Variants in ATXN7L1 observed in about 807,000 individuals in gnomAD.
The protein encoded by ATXN7L1 is ataxin 7 like 1.
ATXN7L1 carries 15 observed loss-of-function variants against 70.8 expected under a neutral mutation model. That is an observed-to-expected ratio of 0.21 (90% confidence interval 0.14 to 0.33). The LOEUF is 0.33. Among genes scored for constraint, ATXN7L1 ranks in the 10% least tolerant of loss-of-function variants. The probability of loss-of-function intolerance (pLI) is 1.00; values close to 1 mark genes in which losing one functional copy is unlikely to be tolerated. For synonymous variants in ATXN7L1, 440 were observed against 445.1 expected, an observed-to-expected ratio of 0.99 and a Z score of 0.14; for missense variants, 975 against 1,097.1, an observed-to-expected ratio of 0.89 and a Z score of 1.57.
At chr7:105,769,383 T>G (rs927446500) in intron 3 of ATXN7L1, among the ~76,000 whole-genome samples, 1 of 152,044 alleles carries the variant, frequency 6.6e-6, no homozygotes, top group Non-Finnish European at 1.5e-5. Context: ...GGCACACTAT[T>G]TTGTGTGTTT....
chr7:105,616,866 C>G (rs920501375), intron 9 of ATXN7L1, among the ~76,000 whole-genome samples: 11 of 152,144 alleles, frequency 7.2e-5, no homozygotes, highest in African/African-American at 2.7e-4. Context: ...TATAGGCAAC[C>G]CACTCCATCT....
intron 2 of ATXN7L1, among the ~76,000 whole-genome samples, chr7:105,804,560 C>T (rs1257789779): frequency 6.6e-6 from 1 of 152,178 alleles, no homozygotes; most frequent in African/African-American, 2.4e-5. Context: ...GTTCTACAAA[C>T]ACTTATTCTA....
chr7:105,857,317 T>C (rs1401527449), intron 2 of ATXN7L1, among the ~76,000 whole-genome samples: 3 of 152,214 alleles, frequency 2.0e-5, no homozygotes, highest in African/African-American at 7.2e-5. Flanking sequence ...GACCATAGAC[T>C]GAGATATCTT....
intron 3 of ATXN7L1, among the ~76,000 whole-genome samples, chr7:105,726,448 CAG>C (rs1795829578): frequency 6.6e-6 from 1 of 152,120 alleles, no homozygotes; most frequent in Non-Finnish European, 1.5e-5. Flanking sequence ...CAAGGCTGAG[CAG>C]AGAGTCTGAG....
At chr7:105,849,078 TAAA>T (rs1245087048) in intron 2 of ATXN7L1, among the ~76,000 whole-genome samples, 1 of 152,194 alleles carries the variant, frequency 6.6e-6, no homozygotes, top group Non-Finnish European at 1.5e-5. Flanking sequence ...AGTCTGAAAA[TAAA>T]ACTGCTCCAC....
rs10639727 is a variant in ATXN7L1, at chr7:105,778,344, C to CAAA, written c.355+10257_355+10259dup. Among the ~76,000 whole-genome samples, 96 of 104,692 alleles carry CAAA rather than the reference C, an allele frequency of 9.2e-4. 1 individual carries two copies. In the South Asian group the frequency reaches 0.012, roughly 13 times the overall value. The allele number at this position is 104,692 out of a possible 152,430, so 68.7% of individuals were successfully genotyped here. A position where few individuals can be genotyped will look rare whatever the true frequency, so the allele number is the denominator to read the frequency against. On this transcript the variant is annotated intron_variant, in intron 3 of 11. Coordinates refer to ENST00000419735, the MANE Select transcript of ATXN7L1 (RefSeq NM_020725.2). ...CAACATGGCGAAACCCGCATCTCTA[C>CAAA]AAAAAAAAAAAAAAAAATTAGCCAG... is the stretch of plus-strand genomic sequence containing the variant.
intron 3 of ATXN7L1, among the ~76,000 whole-genome samples, chr7:105,768,229 C>T (rs890206301): frequency 1.3e-5 from 2 of 152,216 alleles, no homozygotes; most frequent in Non-Finnish European, 1.5e-5. Context: ...CATGCCAAGG[C>T]ATTTTCAAAT....
chr7:105,618,182 G>A (rs1794204371), intron 9 of ATXN7L1: 1 of 393,086 alleles, frequency 2.5e-6, no homozygotes, highest in Non-Finnish European at 5.1e-6. Context: ...CACGTGTCCG[G>A]GATTGACACT....
chr7:105,704,998 T>C (rs981370108), intron 3 of ATXN7L1, among the ~76,000 whole-genome samples: 1 of 151,946 alleles, frequency 6.6e-6, no homozygotes, highest in Non-Finnish European at 1.5e-5. Flanking sequence ...CTCAGTTTTG[T>C]AGAGATTATT....
At chr7:105,715,368 C>A (rs1388780606) in intron 3 of ATXN7L1, among the ~76,000 whole-genome samples, 1 of 152,254 alleles carries the variant, frequency 6.6e-6, no homozygotes, top group Non-Finnish European at 1.5e-5. Flanking sequence ...TGCTCCATAT[C>A]TAGCACCCAG....
chr7:105,876,549 C>T lies in ATXN7L1; in HGVS notation c.10G>A (p.Glu4Lys), dbSNP rs1246648475. 1.9e-5 allele frequency: 31 copies of T among 1,609,392 alleles called. No homozygotes were observed. Among genetic ancestry groups the T allele is most frequent in the Non-Finnish European group, 2.5e-5 (29 of 1,177,764 alleles). Reference protein sequence around the residue: MTSERSRIPCLSAA... With the variant: MTSKRSRIPCLSAA... ...GAGAGACACGGGATTCGAGAACGCTCCGACGTCATCTTCGGAACGTTCCGA... is the reference window on the plus strand; with the variant it reads ...GAGAGACACGGGATTCGAGAACGCTTCGACGTCATCTTCGGAACGTTCCGA... The change falls in exon 1 of 12, where the codon GAG becomes AAG. Residue 4 changes from glutamate (E) to lysine (K), a missense_variant. Physicochemically the swap from Glu to Lys is moderately conservative, Grantham distance 56. This residue lies in a region of ATXN7L1 where 135 missense variants were observed against 132.6 expected (regional missense o/e 1.02). Transcript: ENST00000419735.
rs568743035 is a variant in ATXN7L1 at position 105,785,514 on chromosome 7, T to C, written c.355+3090A>G. ...AACAAATAACAGATATGGAAAGCAC[T>C]TGGCACAGTGTCTGGCACTCGGCAC... On this transcript the variant is annotated intron_variant, in intron 3 of 11. Transcript: ENST00000419735. Among the ~76,000 whole-genome samples, 16 of 152,106 alleles carry C rather than the reference T, an allele frequency of 1.1e-4. No individual in the cohort carries two copies. The South Asian group carries it at 3.1e-3, about 30-fold the overall frequency.
At chr7:105,630,889 T>C (rs190944349) in intron 7 of ATXN7L1, among the ~76,000 whole-genome samples, 1 of 150,714 alleles carries the variant, frequency 6.6e-6, no homozygotes, top group Admixed American at 6.6e-5. Flanking sequence ...ATGAAGTTCA[T>C]TAAGAAAAAC....
chr7:105,661,189 C>A (rs892898470), intron 4 of ATXN7L1, among the ~76,000 whole-genome samples: 2 of 152,192 alleles, frequency 1.3e-5, no homozygotes, highest in Non-Finnish European at 2.9e-5. Flanking sequence ...CACAAAGGTG[C>A]TTGTGTGACA....
At chr7:105,650,678 A>C (rs1177099355) in intron 4 of ATXN7L1, among the ~76,000 whole-genome samples, 2 of 152,226 alleles carry the variant, frequency 1.3e-5, no homozygotes. Flanking sequence ...AGAAGGTCAT[A>C]GTGTCTTCAT....
intron 11 of ATXN7L1, among the ~76,000 whole-genome samples, chr7:105,609,936 T>A (rs986068707): frequency 5.9e-5 from 9 of 152,084 alleles, no homozygotes; most frequent in African/African-American, 2.2e-4. Flanking sequence ...CACGCCCGGT[T>A]ACTTTTTGTA....
At chr7:105,866,414 A>C (rs2116667690) in intron 2 of ATXN7L1, among the ~76,000 whole-genome samples, 1 of 152,310 alleles carries the variant, frequency 6.6e-6, no homozygotes, top group South Asian at 2.1e-4. Flanking sequence ...CACAGGTACA[A>C]GGATAAAGTG....
chr7:105,751,478 CA>C (rs529616972), intron 3 of ATXN7L1, among the ~76,000 whole-genome samples: 2 of 151,538 alleles, frequency 1.3e-5, no homozygotes, highest in East Asian at 1.9e-4. Context: ...ACTAAAAATA[CA>C]AAAAAAATTA....
intron 7 of ATXN7L1, among the ~76,000 whole-genome samples, chr7:105,635,486 G>A (rs1797223019): frequency 6.6e-6 from 1 of 152,144 alleles, no homozygotes; most frequent in Admixed American, 6.5e-5. Flanking sequence ...CTTCTTATGT[G>A]CTTGGTACTT....
Sources: allele counts gnomAD v4.1 joint callset (sites outside exome capture counted in the v4.1 genomes callset), GRCh38; gene constraint gnomAD v4.1.1; regional missense constraint gnomAD v4.1.1; transcripts MANE v1.5; gene names NCBI Gene and HGNC (gene_info 2026-07-23, HGNC 2026-07-21).